The following MEI4 variants were observed in gnomAD, a reference collection of about 807,000 sequenced individuals.
MEI4 encodes the protein meiosis-specific protein MEI4.
MEI4 carries 27 observed loss-of-function variants against 31.4 expected under a neutral mutation model. The ratio of observed to expected loss-of-function variants is 0.86; its 90% CI spans 0.63 to 1.19. The LOEUF (loss-of-function observed/expected upper bound fraction) is 1.19, where lower values mean the gene tolerates loss of function less well. MEI4 is among the 50% of genes most tolerant of loss of function. The pLI is 0.00. For synonymous variants in MEI4, 122 were observed against 145.4 expected (o/e 0.84, Z 1.16); for missense variants, 329 against 398.9 (o/e 0.82, Z 1.49).
intron 4 of MEI4, among the ~76,000 whole-genome samples, chr6:77,883,737 T>TAC (rs1562025156): frequency 5.3e-5 from 7 of 132,926 alleles, no homozygotes; most frequent in East Asian, 2.6e-4. Context: ...TATATATATA[T>TAC]ATATATAACT....
chr6:77,676,430 G>A (rs1295796185), intron 1 of MEI4, among the ~76,000 whole-genome samples: 2 of 152,050 alleles, frequency 1.3e-5, no homozygotes, highest in African/African-American at 4.8e-5. Context: ...GGAAGGCTGA[G>A]GTAGAAGGAT....
rs1768043111 is a variant in MEI4, at chr6:77,761,474, G to A, written c.577G>A (p.Gly193Ser). ...TGATTCTGTTTTTCAATTGCTGGAT[G>A]GCCTGATCACTTTTTACCGTAATCC... The part of the protein sequence containing the change: ...VSDSVFQLLD[G>S]LITFYRNPKL... The change falls in exon 3 of 5, where the codon GGC becomes AGC. Residue 193 changes from glycine to serine, a missense_variant. Gly to Ser is a moderately conservative substitution (Grantham distance 56, BLOSUM62 0). Transcript: ENST00000684080. 1.6e-6 allele frequency: 2 copies of A among 1,231,962 alleles called. No homozygotes were observed. Among genetic ancestry groups the A allele is most frequent in the African/African-American group, 1.6e-5 (1 of 64,404 alleles). 76.3% of individuals were successfully genotyped at this position (1,231,962 alleles called of 1,614,324 possible).
intron 2 of MEI4, among the ~76,000 whole-genome samples, chr6:77,733,578 G>C (rs2127669061): frequency 6.6e-6 from 1 of 152,028 alleles, no homozygotes; most frequent in South Asian, 2.1e-4. Context: ...CAAAAAACCA[G>C]CTCCTGGATT....
chr6:77,832,979 A>G (rs2127712503), intron 4 of MEI4, among the ~76,000 whole-genome samples: 1 of 152,238 alleles, frequency 6.6e-6, no homozygotes, highest in Non-Finnish European at 1.5e-5. Flanking sequence ...TTATCCTAGT[A>G]TCCTTTCTCT....
Position 77,705,812 on chromosome 6 carries a change from G to A in MEI4, c.232+14909G>A, listed in dbSNP as rs531316493. On this transcript the variant is annotated intron_variant, in intron 2 of 4. Coordinates refer to ENST00000684080, the MANE Select transcript of MEI4 (RefSeq NM_001322247.2). Reference sequence around the variant, plus strand: ...ATGTGAATTTTAAATTTAAGTGTGTGTGGGCATTTGTTAGCATTGGTATAG... The same window carrying A: ...ATGTGAATTTTAAATTTAAGTGTGTATGGGCATTTGTTAGCATTGGTATAG... Among the ~76,000 whole-genome samples, 132 of 152,304 alleles carry A rather than the reference G, an allele frequency of 8.7e-4. 1 individual carries two copies. The highest frequency in any genetic ancestry group is 3.1e-3 in the African/African-American group (130 of 41,562).
rs544063179 is a variant in MEI4, at chr6:77,798,906, G to A, written c.769-30025G>A. ...CCAGTCTATCATTGTTGGACATTTG[G>A]CTTGGTTCCAAGTCTTTGCTATTGT... is the stretch of plus-strand genomic sequence containing the variant. On this transcript the variant is annotated intron_variant, in intron 3 of 4. Transcript: ENST00000684080. 2.3e-3 allele frequency among the ~76,000 whole-genome samples: 347 copies of A among 151,772 alleles called. 3 individuals carry two copies. Among genetic ancestry groups the A allele is most frequent in the African/African-American group, 7.6e-3 (314 of 41,392 alleles).
chr6:77,847,753 G>A lies in MEI4; in HGVS notation c.900+18691G>A, dbSNP rs984295891. 1.3e-5 allele frequency among the ~76,000 whole-genome samples: 2 copies of A among 151,942 alleles called. No individual in the cohort carries two copies. Among genetic ancestry groups the A allele is most frequent in the South Asian group, 2.1e-4 (1 of 4,810 alleles). ...CATGTCTGTTTTTTGTATGTACTGAGGTTAGTGAAAATTTCTTATTTATTT... is the reference window on the plus strand; with the variant it reads ...CATGTCTGTTTTTTGTATGTACTGAAGTTAGTGAAAATTTCTTATTTATTT... On this transcript the variant is annotated intron_variant, in intron 4 of 4. Coordinates refer to ENST00000684080, the MANE Select transcript of MEI4 (RefSeq NM_001322247.2). The surrounding 1 kb of genome is among the most constrained non-coding windows in gnomAD (Gnocchi z 4.6).
Position 77,760,229 on chromosome 6 carries a change from T to TAC in MEI4, c.233-895_233-894dup, listed in dbSNP as rs758616876. On this transcript the variant is annotated intron_variant, in intron 2 of 4. Coordinates refer to ENST00000684080, the MANE Select transcript of MEI4 (RefSeq NM_001322247.2). The stretch of plus-strand genomic sequence containing the variant: ...ACATACACATGTATATACATATATA[T>TAC]ACACACATATATATACACACATATA... Among the ~76,000 whole-genome samples the TAC allele has an allele frequency of 1.6e-4, 24 of 151,106 alleles. No homozygotes were observed. The East Asian group carries it at 3.3e-3, about 21-fold the overall frequency.
intron 3 of MEI4, among the ~76,000 whole-genome samples, chr6:77,791,767 T>G (rs1015649202): frequency 9.2e-5 from 14 of 152,148 alleles, no homozygotes; most frequent in African/African-American, 3.4e-4. Context: ...GTACCATACC[T>G]TTTTTGGTGA....
chr6:77,748,371 G>T lies in MEI4; in HGVS notation c.233-12759G>T, dbSNP rs9448199. Among the ~76,000 whole-genome samples, 1,062 of 152,324 alleles carry T rather than the reference G, an allele frequency of 7.0e-3. 13 individuals carry two copies. Among genetic ancestry groups the T allele is most frequent in the African/African-American group, 0.024 (1,002 of 41,576 alleles). On this transcript the variant is annotated intron_variant, in intron 2 of 4. Transcript: ENST00000684080. ...ACTGTTGAATTCTGTGCAACTGCAGGCCCAACACCATGTGGAAGCTGCTTG... is the reference window on the plus strand; with the variant it reads ...ACTGTTGAATTCTGTGCAACTGCAGTCCCAACACCATGTGGAAGCTGCTTG...
At chr6:77,844,379 A>T (rs1030397076) in intron 4 of MEI4, among the ~76,000 whole-genome samples, 26 of 152,166 alleles carry the variant, frequency 1.7e-4, no homozygotes, top group Non-Finnish European at 8.8e-5. Context: ...TTGGAGGGTC[A>T]TAGTAAAACT....
chr6:77,837,093 T>C (rs2127713507), intron 4 of MEI4, among the ~76,000 whole-genome samples: 1 of 152,256 alleles, frequency 6.6e-6, no homozygotes, highest in East Asian at 1.9e-4. Context: ...ACTGAATGCC[T>C]TTTTGAAACT....
At chr6:77,829,160 G>A in intron 4 of MEI4, 98 bp downstream of exon 4, 1 of 911,138 alleles carries the variant, frequency 1.1e-6, no homozygotes. Context: ...CCAGGCTGAT[G>A]TTTTAGTTAT....
At position 77,924,988 on chromosome 6, in the gene MEI4, G is replaced by C. The variant is rs1220948615; in HGVS notation, c.*1642G>C. The C allele has an allele frequency of 6.6e-6, 1 of 151,834 alleles. No individual in the cohort carries two copies. The highest frequency in any genetic ancestry group is 2.4e-5 in the African/African-American group (1 of 41,380). 9.4% of individuals were successfully genotyped at this position (151,834 alleles called of 1,614,324 possible). ...ATTAGGAGGGATTTTTCTAATGTCT[G>C]ATTCCTGTGAACACCTGTGAAGGCT... On this transcript the variant is annotated 3_prime_UTR_variant, in exon 5 of 5. Coordinates refer to ENST00000684080, the MANE Select transcript of MEI4 (RefSeq NM_001322247.2).
At chr6:77,658,531 G>A (rs986348220) in intron 1 of MEI4, among the ~76,000 whole-genome samples, 2 of 152,044 alleles carry the variant, frequency 1.3e-5, no homozygotes, top group African/African-American at 2.4e-5. Flanking sequence ...AAATTTTTTG[G>A]GGGGTGGTAT....
intron 4 of MEI4, among the ~76,000 whole-genome samples, chr6:77,871,406 C>A (rs1771188388): frequency 6.6e-6 from 1 of 151,954 alleles, no homozygotes; most frequent in Non-Finnish European, 1.5e-5. Flanking sequence ...CATATCATAA[C>A]ATATCATAAA....
intron 2 of MEI4, among the ~76,000 whole-genome samples, chr6:77,737,711 T>A (rs1327232001): frequency 6.6e-6 from 1 of 152,074 alleles, no homozygotes; most frequent in Non-Finnish European, 1.5e-5. Flanking sequence ...GAAGGTTTAA[T>A]GCAAAGCCCC....
At chr6:77,791,632 G>A (rs937198102) in intron 3 of MEI4, among the ~76,000 whole-genome samples, 1 of 149,806 alleles carries the variant, frequency 6.7e-6, no homozygotes, top group Non-Finnish European at 1.5e-5. Context: ...GTATACATAT[G>A]TAACTAACCT....
At chr6:77,704,798 T>G (rs998814253) in intron 2 of MEI4, among the ~76,000 whole-genome samples, 2 of 152,142 alleles carry the variant, frequency 1.3e-5, no homozygotes, top group African/African-American at 2.4e-5. Flanking sequence ...GTGTTTTGAA[T>G]GATTCAAACA....
Sources: gnomAD v4.1 joint callset for allele counts (sites outside exome capture counted in the v4.1 genomes callset) on GRCh38, gnomAD v4.1.1 for gene constraint, Gnocchi (gnomAD v3.1) non-coding constraint, MANE v1.5 for transcripts, NCBI Gene and HGNC (gene_info 2026-07-23, HGNC 2026-07-21) for gene names.